GRID2: variants seen among roughly 807,000 people sequenced by gnomAD.
The protein encoded by GRID2 is glutamate ionotropic receptor delta type subunit 2, also known as glutamate receptor ionotropic, delta-2.
A neutral mutation model predicts 114.8 loss-of-function variants in GRID2; 33 were observed. That is an observed-to-expected ratio of 0.29 (90% CI 0.22 to 0.38). The LOEUF (loss-of-function observed/expected upper bound fraction) is 0.38, where lower values mean the gene tolerates loss of function less well. Ranked by LOEUF, GRID2 falls within the 10% of genes least tolerant of loss-of-function variation. GRID2 has a pLI of 1.00. For missense variants in GRID2, 1,184 were observed against 1,257.7 expected, an observed-to-expected ratio of 0.94 and a Z score of 0.89; for synonymous variants, 505 against 449.9, an observed-to-expected ratio of 1.12 and a Z score of -1.55.
At chr4:93,754,104 A>G (rs759080888) in intron 14 of GRID2, among the ~76,000 whole-genome samples, 17 of 152,218 alleles carry the variant, frequency 1.1e-4, no homozygotes, top group Non-Finnish European at 1.8e-4. Context: ...CACAATGGTA[A>G]GTATTTATGT....
chr4:93,804,517 T>G (rs1486552706), intron 1 of GRID2, among the ~76,000 whole-genome samples: 1 of 152,166 alleles, frequency 6.6e-6, no homozygotes, highest in Admixed American at 6.5e-5. Flanking sequence ...AAAGGTACAG[T>G]AAAAATATGG....
At chr4:92,798,241 G>T (rs895197140) in intron 2 of GRID2, among the ~76,000 whole-genome samples, 6 of 152,022 alleles carry the variant, frequency 3.9e-5, no homozygotes, top group African/African-American at 1.4e-4. Context: ...GTAAGACCTT[G>T]CCTAATATCT....
chr4:93,384,390 T>C lies in GRID2; in HGVS notation c.1246-11217T>C, dbSNP rs192861702. ...GACTACCACACAGTGCTCTGCTTTT[T>C]CTTATCATTTTCTTTGATGACATCT... On this transcript the variant is annotated intron_variant, in intron 8 of 15. Coordinates refer to ENST00000282020, the MANE Select transcript of GRID2 (RefSeq NM_001510.4). Among the ~76,000 whole-genome samples, 8 of 152,274 alleles carry C rather than the reference T, an allele frequency of 5.3e-5. No individual in the cohort carries two copies. In the East Asian group the frequency reaches 1.5e-3, roughly 29 times the overall value.
intron 9 of GRID2, among the ~76,000 whole-genome samples, chr4:93,396,103 G>T (rs1397286609): frequency 6.6e-6 from 1 of 151,930 alleles, no homozygotes; most frequent in East Asian, 1.9e-4. Flanking sequence ...GGTAGATTTG[G>T]TAAAATGTAC....
At chr4:93,134,714 G>A (rs917424029) in intron 4 of GRID2, among the ~76,000 whole-genome samples, 1 of 151,942 alleles carries the variant, frequency 6.6e-6, no homozygotes, top group African/African-American at 2.4e-5. Context: ...TTAGCAACTT[G>A]CAGTAGCTTA....
At chr4:93,155,799 G>A (rs1391590367) in intron 4 of GRID2, among the ~76,000 whole-genome samples, 3 of 151,722 alleles carry the variant, frequency 2.0e-5, no homozygotes, top group Non-Finnish European at 4.4e-5. Flanking sequence ...AGAGAAAAAT[G>A]ACAGTTACCC....
chr4:93,102,976 A>G (rs1227943388), intron 3 of GRID2, among the ~76,000 whole-genome samples: 1 of 151,964 alleles, frequency 6.6e-6, no homozygotes, highest in Non-Finnish European at 1.5e-5. Context: ...CCAAAACAGT[A>G]ACTTTTGACT....
chr4:92,990,686 C>T (rs910173604), intron 2 of GRID2, among the ~76,000 whole-genome samples: 1 of 151,612 alleles, frequency 6.6e-6, no homozygotes, highest in Non-Finnish European at 1.5e-5. Context: ...TACCCTGTAT[C>T]ATGATAATTT....
At chr4:92,687,859 G>C (rs1013032548) in intron 2 of GRID2, among the ~76,000 whole-genome samples, 1 of 151,476 alleles carries the variant, frequency 6.6e-6, no homozygotes, top group Non-Finnish European at 1.5e-5. Flanking sequence ...CTAAAAAAAG[G>C]CTAATGATCA....
intron 4 of GRID2, among the ~76,000 whole-genome samples, chr4:93,131,366 A>G (rs1734785772): frequency 6.6e-6 from 1 of 151,314 alleles, no homozygotes; most frequent in African/African-American, 2.4e-5. Context: ...TTTGGCCAGG[A>G]TGGTCTCGAT....
At chr4:92,618,717 T>C (rs1450919532) in intron 2 of GRID2, among the ~76,000 whole-genome samples, 1 of 151,758 alleles carries the variant, frequency 6.6e-6, no homozygotes, top group Non-Finnish European at 1.5e-5. Flanking sequence ...ATCATTCATC[T>C]CCTTGGCCAA....
rs1307374189 is a variant in GRID2 at position 93,084,975 on chromosome 4, A to G, written c.245-20A>G. 2 of 1,604,564 alleles carry G rather than the reference A, an allele frequency of 1.2e-6. No homozygotes were observed. Among genetic ancestry groups the G allele is most frequent in the Non-Finnish European group, 1.7e-6 (2 of 1,172,280 alleles). On this transcript the variant is annotated intron_variant, in intron 2 of 15. Coordinates refer to ENST00000282020, the MANE Select transcript of GRID2 (RefSeq NM_001510.4). ...TGTGAAACCCACTGACATTTTGAAT[A>G]TTACTGTGCTTTCTTGCAGCCTGTG...
At chr4:92,719,926 C>T (rs1735733330) in intron 2 of GRID2, among the ~76,000 whole-genome samples, 1 of 152,026 alleles carries the variant, frequency 6.6e-6, no homozygotes. Flanking sequence ...TGCTTCTTCT[C>T]CTAGTAAGAT....
chr4:92,679,876 G>A (rs549599200), intron 2 of GRID2, among the ~76,000 whole-genome samples: 7 of 151,432 alleles, frequency 4.6e-5, no homozygotes, highest in East Asian at 3.9e-4. Flanking sequence ...CTTCTGATAC[G>A]TAATTGCAAG....
At chr4:92,797,916 C>A (rs2149369838) in intron 2 of GRID2, among the ~76,000 whole-genome samples, 1 of 152,030 alleles carries the variant, frequency 6.6e-6, no homozygotes, top group Non-Finnish European at 1.5e-5. Context: ...AAATGTAATA[C>A]AGCAATTTAG....
rs114596131 is a variant in GRID2 at position 93,162,319 on chromosome 4, C to T, written c.736-45085C>T. On this transcript the variant is annotated intron_variant, in intron 4 of 15. Coordinates refer to ENST00000282020, the MANE Select transcript of GRID2 (RefSeq NM_001510.4). ...TCAAATACATTTATTGAAGAATTAA[C>T]GCTGAATTAAATTAGTTACAATTTT... Among the ~76,000 whole-genome samples the T allele has an allele frequency of 4.4e-3, 665 of 151,984 alleles. 9 individuals are homozygous for T. The highest frequency in any genetic ancestry group is 0.015 in the African/African-American group (635 of 41,490).
At chr4:92,521,007 T>TG (rs758176863) in intron 1 of GRID2, among the ~76,000 whole-genome samples, 28 of 151,938 alleles carry the variant, frequency 1.8e-4, no homozygotes, top group Non-Finnish European at 3.7e-4. Context: ...TTATGAGCCA[T>TG]TATAACAATT....
chr4:92,799,754 A>G (rs917029269), intron 2 of GRID2, among the ~76,000 whole-genome samples: 18 of 152,050 alleles, frequency 1.2e-4, no homozygotes, highest in Non-Finnish European at 2.6e-4. Context: ...ACTGGAGGTT[A>G]GGGCTTCCAC....
chr4:93,407,858 TCTCCTTCTC>T (rs920185505), intron 9 of GRID2, among the ~76,000 whole-genome samples: 11 of 149,378 alleles, frequency 7.4e-5, no homozygotes, highest in Admixed American at 6.7e-4. Flanking sequence ...ACCTCCTGCT[TCTCCTTCTC>T]CTCCTTCTTC....
Sources: allele counts gnomAD v4.1 joint callset (sites outside exome capture counted in the v4.1 genomes callset), GRCh38; gene constraint gnomAD v4.1.1; transcripts MANE v1.5; gene names NCBI Gene and HGNC (gene_info 2026-07-23, HGNC 2026-07-21).